The following NEDD9 variants were observed in gnomAD, a reference collection of about 807,000 sequenced individuals.
NEDD9 encodes enhancer of filamentation 1.
In NEDD9, 26 loss-of-function variants were observed where a neutral mutation model predicts 76.6. The observed-to-expected ratio is 0.34, with a 90% confidence interval of 0.25 to 0.47. The LOEUF is 0.47. Among genes scored for constraint, NEDD9 ranks in the 20% least tolerant of loss-of-function variants. The pLI is 1.00. For synonymous variants in NEDD9, 392 were observed against 414.2 expected (o/e 0.95, Z 0.65); for missense variants, 937 against 1,058.5 (o/e 0.89, Z 1.59).
chr6:11,228,828 A>AT (rs1246192688), intron 1 of NEDD9, among the ~76,000 whole-genome samples: 4 of 152,246 alleles, frequency 2.6e-5, no homozygotes, highest in Admixed American at 1.3e-4. Flanking sequence ...CCAAGTTGAT[A>AT]TTTTTCAAAG....
At chr6:11,218,464 G>C (rs999700804) in intron 1 of NEDD9, among the ~76,000 whole-genome samples, 2 of 151,802 alleles carry the variant, frequency 1.3e-5, no homozygotes, top group Admixed American at 1.3e-4. Flanking sequence ...CTATTCAAAG[G>C]CTGTTTCCTT....
chr6:11,219,982 G>T (rs1296696732), intron 1 of NEDD9, among the ~76,000 whole-genome samples: 1 of 152,174 alleles, frequency 6.6e-6, no homozygotes, highest in Non-Finnish European at 1.5e-5. Context: ...GAAGTCACAG[G>T]CATGAAGCTT....
intron 3 of NEDD9, among the ~76,000 whole-genome samples, chr6:11,277,017 C>T (rs4713336): frequency 0.069 from 10,540 of 152,184 alleles, 377 homozygotes; most frequent in Middle Eastern, 0.14. Context: ...TCCAAGGCAG[C>T]GAAGCAAGTG....
chr6:11,313,455 G>T (rs1761441582), intron 2 of NEDD9, among the ~76,000 whole-genome samples: 1 of 137,398 alleles, frequency 7.3e-6, no homozygotes, highest in African/African-American at 2.6e-5. Context: ...ATGGAATGAT[G>T]GATGGATGGA....
At chr6:11,280,958 T>C (rs1760524183) in intron 3 of NEDD9, among the ~76,000 whole-genome samples, 2 of 152,248 alleles carry the variant, frequency 1.3e-5, no homozygotes, top group Non-Finnish European at 2.9e-5. Context: ...ATATTGAGGA[T>C]ACATGGACCT....
chr6:11,279,705 C>A (rs1437643846), intron 3 of NEDD9, among the ~76,000 whole-genome samples: 1 of 152,104 alleles, frequency 6.6e-6, no homozygotes, highest in African/African-American at 2.4e-5. Flanking sequence ...CTCCCCCTTG[C>A]ATTAGTTGAG....
At position 11,213,747 on chromosome 6, in the gene NEDD9, A is replaced by T. The variant is rs771830484; in HGVS notation, c.13-20T>A. On this transcript the variant is annotated intron_variant, in intron 1 of 6. Coordinates refer to ENST00000379446, the MANE Select transcript of NEDD9 (RefSeq NM_006403.4). This position sits in a 1 kb window ranked among gnomAD's most constrained non-coding sequence, Gnocchi z 5.4. ...AAGATTCTAGGAGGGAAGGAAGAGA[A>T]GGAAACCGTGTTAGAATATTGGGTC... The T allele has an allele frequency of 1.2e-6, 2 of 1,610,536 alleles. No homozygotes were observed. Among genetic ancestry groups the T allele is most frequent in the Non-Finnish European group, 1.7e-6 (2 of 1,177,380 alleles).
At chr6:11,245,560 C>A (rs556116985) in intron 3 of NEDD9, among the ~76,000 whole-genome samples, 2 of 152,284 alleles carry the variant, frequency 1.3e-5, no homozygotes, top group African/African-American at 4.8e-5. Context: ...TGAATAATAC[C>A]TAGAGGCTGC....
At chr6:11,328,891 T>C (rs1227152003) in intron 2 of NEDD9, 2 of 152,270 alleles carry the variant, frequency 1.3e-5, no homozygotes, top group East Asian at 3.9e-4. Flanking sequence ...AGGGAAGAGG[T>C]CATTGATGAC....
chr6:11,341,725 C>T (rs565156760), intron 1 of NEDD9, among the ~76,000 whole-genome samples: 1 of 152,256 alleles, frequency 6.6e-6, no homozygotes, highest in African/African-American at 2.4e-5. Flanking sequence ...GAGTGCTGAG[C>T]TAGAGCTTCT....
chr6:11,362,149 C>A (rs1052865245), intron 1 of NEDD9, among the ~76,000 whole-genome samples: 1 of 152,056 alleles, frequency 6.6e-6, no homozygotes, highest in African/African-American at 2.4e-5. Context: ...GGATGTAGTG[C>A]CGTTATGAAA....
At chr6:11,281,368 C>T (rs907640837) in intron 3 of NEDD9, among the ~76,000 whole-genome samples, 2 of 152,120 alleles carry the variant, frequency 1.3e-5, no homozygotes, top group Non-Finnish European at 2.9e-5. Context: ...GTTCTGGGTT[C>T]GTTGAAAAGA....
intron 1 of NEDD9, among the ~76,000 whole-genome samples, chr6:11,215,963 C>T (rs889365085): frequency 6.6e-6 from 1 of 152,212 alleles, no homozygotes; most frequent in African/African-American, 2.4e-5. Context: ...TGATCAGAGG[C>T]AGATAGAAAT....
At chr6:11,330,915 G>A (rs1762023904) in intron 2 of NEDD9, among the ~76,000 whole-genome samples, 1 of 152,172 alleles carries the variant, frequency 6.6e-6, no homozygotes, top group South Asian at 2.1e-4. Context: ...TATTAGGGCT[G>A]TTTTCTCCGT....
At chr6:11,332,971 T>C (rs1004247875) in intron 2 of NEDD9, among the ~76,000 whole-genome samples, 1 of 151,378 alleles carries the variant, frequency 6.6e-6, no homozygotes, top group African/African-American at 2.4e-5. Context: ...GTCCCACGGT[T>C]TCCCATAAGC....
chr6:11,279,605 C>T (rs890754574), intron 3 of NEDD9, among the ~76,000 whole-genome samples: 4 of 152,142 alleles, frequency 2.6e-5, no homozygotes, highest in African/African-American at 9.7e-5. Flanking sequence ...TTATGTTTCT[C>T]GTGGCTGGTC....
chr6:11,308,361 C>CTTTTTTT (rs933892327), intron 2 of NEDD9, among the ~76,000 whole-genome samples: 16 of 87,850 alleles, frequency 1.8e-4, no homozygotes, highest in Non-Finnish European at 2.6e-4. Context: ...GATGGGACAT[C>CTTTTTTT]TTTTTTTTTT....
intron 1 of NEDD9, among the ~76,000 whole-genome samples, chr6:11,337,752 T>G (rs949029319): frequency 6.6e-6 from 1 of 152,192 alleles, no homozygotes; most frequent in Non-Finnish European, 1.5e-5. Flanking sequence ...TTAGCTGGCA[T>G]GGATGGGGAG....
At chr6:11,332,470 C>T (rs938513194) in intron 2 of NEDD9, among the ~76,000 whole-genome samples, 2 of 152,200 alleles carry the variant, frequency 1.3e-5, no homozygotes, top group Admixed American at 6.5e-5. Flanking sequence ...CCTCACATTG[C>T]GCTACGTCCG....
Sources: allele counts gnomAD v4.1 joint callset (sites outside exome capture counted in the v4.1 genomes callset), GRCh38; gene constraint gnomAD v4.1.1; non-coding constraint Gnocchi (gnomAD v3.1); transcripts MANE v1.5; gene names NCBI Gene and HGNC (gene_info 2026-07-23, HGNC 2026-07-21).